The following ACBD3 variants were observed in gnomAD, a reference collection of about 807,000 sequenced individuals.
The protein encoded by ACBD3 is Golgi resident protein GCP60.
In ACBD3, 30 loss-of-function variants were observed where a neutral mutation model predicts 66.9. The ratio of observed to expected loss-of-function variants is 0.45; its 90% CI spans 0.34 to 0.61. The LOEUF (loss-of-function observed/expected upper bound fraction) is 0.61. Among genes scored for constraint, ACBD3 ranks in the 20% least tolerant of loss-of-function variants. The probability of loss-of-function intolerance (pLI) is 0.02; values close to 1 mark genes in which losing one functional copy is unlikely to be tolerated. For missense variants in ACBD3, 544 were observed against 664.5 expected, an observed-to-expected ratio of 0.82 and a Z score of 1.99; for synonymous variants, 278 against 259.8, an observed-to-expected ratio of 1.07 and a Z score of -0.68.
intron 7 of ACBD3, among the ~76,000 whole-genome samples, chr1:226,149,229 A>T (rs550764826): frequency 2.8e-5 from 4 of 144,394 alleles, no homozygotes; most frequent in Non-Finnish European, 4.6e-5. Flanking sequence ...AAGCTCTTTC[A>T]TTTTTTTTTT....
chr1:226,161,600 T>C lies in ACBD3; in HGVS notation c.659A>G (p.Glu220Gly). 1 of 1,614,142 alleles carries C rather than the reference T, an allele frequency of 6.2e-7. No homozygotes were observed. Among genetic ancestry groups the C allele is most frequent in the Non-Finnish European group, 8.5e-7 (1 of 1,180,022 alleles). The change falls in exon 4 of 8, where the codon GAA (glutamate) becomes GGA (glycine). Residue 220 changes from glutamate to glycine, a missense_variant. By Grantham distance (98) the Glu-to-Gly change is moderately conservative. Transcript: ENST00000366812. The stretch of plus-strand genomic sequence containing the variant: ...TTCCTCTTCCTCCCGTCGAAGCCTT[T>C]CCTCTTCTTCTCTCCTACGTTTCTC... ...EEEKRRREEE[E>G]RLRREEEERR...
At chr1:226,161,477 T>C in intron 4 of ACBD3, 54 bp downstream of exon 4, 8 of 1,602,296 alleles carry the variant, frequency 5.0e-6, no homozygotes, top group Non-Finnish European at 5.1e-6. Context: ...CTTATTTTTA[T>C]TCTATTTTTT....
At chr1:226,162,718 T>G (rs1659793962) in intron 3 of ACBD3, among the ~76,000 whole-genome samples, 1 of 151,410 alleles carries the variant, frequency 6.6e-6, no homozygotes, top group Non-Finnish European at 1.5e-5. Flanking sequence ...TACCTCACCT[T>G]TCTCCCCTCT....
At chr1:226,151,849 T>C (rs1220086969) in intron 7 of ACBD3, among the ~76,000 whole-genome samples, 6 of 151,806 alleles carry the variant, frequency 4.0e-5, no homozygotes, top group African/African-American at 1.5e-4. Context: ...CTACTAAAAA[T>C]ACAAAAAATT....
Position 226,161,518 on chromosome 1 carries a change from A to G in ACBD3, c.728+13T>C, listed in dbSNP as rs774264360. 1.1e-5 allele frequency: 17 copies of G among 1,610,364 alleles called. No individual in the cohort carries two copies. The highest frequency in any genetic ancestry group is 2.7e-5 in the African/African-American group (2 of 74,464). On this transcript the variant is annotated intron_variant, in intron 4 of 7. Transcript: ENST00000366812. ...TTTCTCATTTTAAAACATAAGCCAC[A>G]TAATAAACTTACTTTTGCTGCTCCA...
In ACBD3 at chr1:226,186,455, C is replaced by T. The variant is rs867900886; in HGVS notation, c.221G>A (p.Arg74Gln). 1 of 1,506,538 alleles carries T rather than the reference C, an allele frequency of 6.6e-7. No homozygotes were observed. Among genetic ancestry groups the T allele is most frequent in the South Asian group, 1.2e-5 (1 of 80,040 alleles). 93.3% of individuals were successfully genotyped at this position (1,506,538 alleles called of 1,614,324 possible). Residue 74 changes from arginine to glutamine, a missense_variant, in exon 1 of 8, where the codon CGG (arginine) becomes CAG (glutamine). Transcript: ENST00000366812. ...GCCGAAACCCCAGCGCTGCTCCAGCCGCCGCGCCTCCTCCGCCGCGCCCCC... is the reference window on the plus strand; with the variant it reads ...GCCGAAACCCCAGCGCTGCTCCAGCTGCCGCGCCTCCTCCGCCGCGCCCCC... ...AAGGAAEEARRLEQRWGFGLE... is the reference protein window; with the variant it reads ...AAGGAAEEARQLEQRWGFGLE...
chr1:226,177,710 G>A (rs1458541030), intron 1 of ACBD3, among the ~76,000 whole-genome samples: 1 of 151,862 alleles, frequency 6.6e-6, no homozygotes, highest in Non-Finnish European at 1.5e-5. Context: ...AATCTTAAGT[G>A]CAGACGGATT....
intron 1 of ACBD3, among the ~76,000 whole-genome samples, chr1:226,183,286 C>T (rs1021536425): frequency 6.6e-6 from 1 of 152,268 alleles, no homozygotes; most frequent in Non-Finnish European, 1.5e-5. Flanking sequence ...AGTGATTCTC[C>T]TGCCTCAGCC....
At chr1:226,158,994 C>T (rs1434860191) in intron 5 of ACBD3, among the ~76,000 whole-genome samples, 190 bp downstream of exon 5, 5 of 152,338 alleles carry the variant, frequency 3.3e-5, no homozygotes, top group Admixed American at 1.3e-4. Context: ...TCGGTTGCTT[C>T]GATAACACAT....
intron 1 of ACBD3, among the ~76,000 whole-genome samples, chr1:226,168,951 C>A (rs1342849558): frequency 1.3e-5 from 2 of 152,114 alleles, no homozygotes; most frequent in Non-Finnish European, 2.9e-5. Flanking sequence ...CAGCTTCCGT[C>A]TCTTGGGTTC....
intron 1 of ACBD3, among the ~76,000 whole-genome samples, chr1:226,177,880 C>CT (rs2102789747): frequency 6.6e-6 from 1 of 152,012 alleles, no homozygotes; most frequent in South Asian, 2.1e-4. Flanking sequence ...GTAGCTGGGG[C>CT]TACAGGTACA....
At chr1:226,185,926 G>A (rs1656291479) in intron 1 of ACBD3, among the ~76,000 whole-genome samples, 1 of 152,184 alleles carries the variant, frequency 6.6e-6, no homozygotes, top group Admixed American at 6.5e-5. Flanking sequence ...GGCTGGAAAA[G>A]CTATGTATGG....
At position 226,181,370 on chromosome 1, in the gene ACBD3, T is replaced by C. The variant is rs760580718; in HGVS notation, c.286+5020A>G. Reference sequence around the variant, plus strand: ...TTATAAATGCTCTTGTAGTTGCCTATGTTTAAAGAAGACAAGAGGAAATGG... The same window carrying C: ...TTATAAATGCTCTTGTAGTTGCCTACGTTTAAAGAAGACAAGAGGAAATGG... On this transcript the variant is annotated intron_variant, in intron 1 of 7. Transcript: ENST00000366812. 7.2e-5 allele frequency among the ~76,000 whole-genome samples: 11 copies of C among 152,330 alleles called. 1 individual carries two copies. The highest frequency in any genetic ancestry group is 2.2e-4 in the African/African-American group (9 of 41,574).
chr1:226,156,613 T>C (rs1409541556), intron 5 of ACBD3, among the ~76,000 whole-genome samples: 1 of 152,234 alleles, frequency 6.6e-6, no homozygotes, highest in African/African-American at 2.4e-5. Flanking sequence ...TTTCATTGAA[T>C]GTATCATTTA....
At chr1:226,170,470 G>C (rs193009015) in intron 1 of ACBD3, among the ~76,000 whole-genome samples, 105 of 151,202 alleles carry the variant, frequency 6.9e-4, no homozygotes, top group Non-Finnish European at 1.0e-3. Context: ...CACCGTGCTC[G>C]GCCTTTCTTT....
chr1:226,182,183 A>C (rs958803100), intron 1 of ACBD3, among the ~76,000 whole-genome samples: 4 of 151,992 alleles, frequency 2.6e-5, no homozygotes, highest in Non-Finnish European at 4.4e-5. Flanking sequence ...GTGAGCCAAG[A>C]TCGCACTACT....
At chr1:226,159,075 T>G in intron 5 of ACBD3, 109 bp downstream of exon 5, 2 of 1,281,190 alleles carry the variant, frequency 1.6e-6, no homozygotes, top group Admixed American at 4.0e-5. Flanking sequence ...ACTTTACACC[T>G]TAGAGGCTAA....
rs942835895 is a variant in ACBD3 at position 226,145,571 on chromosome 1, T to C, written c.*1039A>G. 1 of 152,606 alleles carries C rather than the reference T, an allele frequency of 6.6e-6. No homozygotes were observed. Among genetic ancestry groups the C allele is most frequent in the African/African-American group, 2.4e-5 (1 of 41,444 alleles). The allele number at this position is 152,606 out of a possible 1,614,324, so 9.5% of individuals were successfully genotyped here. On this transcript the variant is annotated 3_prime_UTR_variant, in exon 8 of 8. Transcript: ENST00000366812. Reference sequence around the variant, plus strand: ...AAATTAAAGCTATAAAATTTAAGCATGGGCATATGTATTTCCAATTCTCCT... The same window carrying C: ...AAATTAAAGCTATAAAATTTAAGCACGGGCATATGTATTTCCAATTCTCCT...
At chr1:226,172,339 C>T (rs1480978294) in intron 1 of ACBD3, among the ~76,000 whole-genome samples, 1 of 152,008 alleles carries the variant, frequency 6.6e-6, no homozygotes, top group Non-Finnish European at 1.5e-5. Flanking sequence ...TGAGAATGAA[C>T]AAAACAGTAT....
Sources: gnomAD v4.1 joint callset for allele counts (sites outside exome capture counted in the v4.1 genomes callset) on GRCh38, gnomAD v4.1.1 for gene constraint, MANE v1.5 for transcripts, NCBI Gene and HGNC (gene_info 2026-07-23, HGNC 2026-07-21) for gene names.